Variants in NHS observed in about 807,000 individuals in gnomAD.
The protein encoded by NHS is NHS actin remodeling regulator, also known as actin remodeling regulator NHS.
Under a neutral mutation model 72.5 loss-of-function variants are expected in NHS, and 5 were observed. That is an observed-to-expected ratio of 0.07 (90% CI 0.04 to 0.14). The LOEUF is 0.14. NHS is among the 10% of genes least tolerant of loss of function. NHS has a pLI of 1.00. For missense variants in NHS, 1,072 were observed against 1,355.7 expected (o/e 0.79, Z 3.29); for synonymous variants, 464 against 547.7 (o/e 0.85, Z 2.13).
chrX:17,434,497 G>C (rs1025247825), intron 1 of NHS, among the ~76,000 whole-genome samples: 1 of 98,729 alleles, frequency 1.0e-5, no homozygotes, highest in African/African-American at 3.9e-5. Flanking sequence ...AGGCTGGAGT[G>C]CAGTGGCGCG....
chrX:17,612,749 G>A (rs2065717300), intron 1 of NHS, among the ~76,000 whole-genome samples: 1 of 110,846 alleles, frequency 9.0e-6, no homozygotes, highest in Non-Finnish European at 1.9e-5. Flanking sequence ...TGCCTTCCTC[G>A]TCTCTCTATC....
intron 1 of NHS, among the ~76,000 whole-genome samples, chrX:17,549,642 AG>A (rs2065319767): frequency 1.8e-5 from 2 of 111,864 alleles, no homozygotes; most frequent in Admixed American, 1.9e-4. Flanking sequence ...GTGAGGGCGC[AG>A]GGTGCCAGCT....
At chrX:17,386,455 G>A (rs1569243514) in intron 1 of NHS, among the ~76,000 whole-genome samples, 1 of 110,612 alleles carries the variant, frequency 9.0e-6, no homozygotes, top group Non-Finnish European at 1.9e-5. Context: ...GAGGTCAGGA[G>A]TTCAAGACCA....
intron 3 of NHS, among the ~76,000 whole-genome samples, chrX:17,706,575 A>G (rs1423067206): frequency 9.0e-6 from 1 of 111,290 alleles, no homozygotes; most frequent in Non-Finnish European, 1.9e-5. Context: ...TTACACCGCT[A>G]GTGCTTCTGA....
intron 1 of NHS, chrX:17,557,324 G>A (rs2065383216): frequency 2.2e-5 from 2 of 92,129 alleles, no homozygotes; most frequent in African/African-American, 1.1e-4. Flanking sequence ...CAGAGATTCT[G>A]TGATATATAT....
chrX:17,488,531 G>C (rs1046359280), intron 1 of NHS, among the ~76,000 whole-genome samples: 2 of 111,742 alleles, frequency 1.8e-5, no homozygotes, highest in Admixed American at 9.5e-5. Context: ...CTTTTTCTAT[G>C]CCATGGACCC....
intron 1 of NHS, among the ~76,000 whole-genome samples, chrX:17,587,457 T>G (rs2065581453): frequency 8.9e-6 from 1 of 112,603 alleles, no homozygotes; most frequent in African/African-American, 3.2e-5. Flanking sequence ...CTAAATCTGC[T>G]TGGGAACTGA....
At chrX:17,717,322 A>C (rs775903801) in intron 3 of NHS, among the ~76,000 whole-genome samples, 192 of 112,269 alleles carry the variant, frequency 1.7e-3, no homozygotes, top group African/African-American at 6.1e-3. Context: ...AGACAATATC[A>C]TTCAGGTGCA....
At chrX:17,478,240 C>A (rs957241527) in intron 1 of NHS, among the ~76,000 whole-genome samples, 1 of 111,992 alleles carries the variant, frequency 8.9e-6, no homozygotes, top group African/African-American at 3.2e-5. Flanking sequence ...AAGACTTTGC[C>A]AGATCTTTAG....
At position 17,457,037 on chromosome X, in the gene NHS, A is replaced by G. The variant is rs762836603; in HGVS notation, c.565+80715A>G. On this transcript the variant is annotated intron_variant, in intron 1 of 8. Coordinates refer to ENST00000676302, the MANE Select transcript of NHS (RefSeq NM_001291867.2). ...TTTTAATGATAATGATGATGAAGAT[A>G]GTGTTGATAATAATAATGCAAACAA... Among the ~76,000 whole-genome samples the G allele has an allele frequency of 8.0e-5, 9 of 112,044 alleles. No homozygotes were observed. In the South Asian group the frequency reaches 1.1e-3, roughly 14 times the overall value.
intron 1 of NHS, among the ~76,000 whole-genome samples, chrX:17,389,636 C>T (rs1393806596): frequency 9.5e-6 from 1 of 105,694 alleles, no homozygotes; most frequent in Non-Finnish European, 1.9e-5. Context: ...GAGTCTCGCC[C>T]TGTCATCCAG....
At chrX:17,657,703 G>A (rs2065963645) in intron 1 of NHS, among the ~76,000 whole-genome samples, 1 of 112,953 alleles carries the variant, frequency 8.9e-6, no homozygotes, top group African/African-American at 3.2e-5. Context: ...TGGGAGCCTG[G>A]ACAGGGGTCC....
chrX:17,470,510 C>G (rs1453384114), intron 1 of NHS, among the ~76,000 whole-genome samples: 1 of 111,904 alleles, frequency 8.9e-6, no homozygotes, highest in African/African-American at 3.3e-5. Context: ...CGTGCTTACC[C>G]TTTCACATGC....
intron 3 of NHS, among the ~76,000 whole-genome samples, chrX:17,703,743 G>A (rs1474922049): frequency 8.9e-6 from 1 of 112,323 alleles, no homozygotes; most frequent in African/African-American, 3.2e-5. Context: ...TTAAATCTCA[G>A]ATAGGATCAA....
intron 3 of NHS, among the ~76,000 whole-genome samples, chrX:17,715,682 T>C (rs989793747): frequency 9.0e-6 from 1 of 111,213 alleles, no homozygotes; most frequent in African/African-American, 3.3e-5. Flanking sequence ...GTTGTACAGA[T>C]TATTTTGTCA....
chrX:17,723,290 G>A (rs2066416365), intron 5 of NHS, among the ~76,000 whole-genome samples: 1 of 111,901 alleles, frequency 8.9e-6, no homozygotes, highest in Non-Finnish European at 1.9e-5. Context: ...CAGGATAAAT[G>A]ATGAGGTGAC....
intron 1 of NHS, among the ~76,000 whole-genome samples, chrX:17,418,215 A>G (rs1392032860): frequency 1.8e-5 from 2 of 112,095 alleles, no homozygotes; most frequent in Non-Finnish European, 3.8e-5. Context: ...GAAGGTAAAC[A>G]ATGAGCTAGA....
At chrX:17,656,004 G>A (rs1266954893) in intron 1 of NHS, among the ~76,000 whole-genome samples, 2 of 112,833 alleles carry the variant, frequency 1.8e-5, no homozygotes, top group African/African-American at 6.4e-5. Flanking sequence ...GGAAAAGGAA[G>A]GGGGAATGCA....
At chrX:17,451,247 G>A (rs1360375791) in intron 1 of NHS, among the ~76,000 whole-genome samples, 1 of 111,837 alleles carries the variant, frequency 8.9e-6, no homozygotes, top group Non-Finnish European at 1.9e-5. Flanking sequence ...ATTTCTGTTT[G>A]TTTCTAGTGC....
Sources: gnomAD v4.1 joint callset for allele counts (sites outside exome capture counted in the v4.1 genomes callset) on GRCh38, gnomAD v4.1.1 for gene constraint, MANE v1.5 for transcripts, NCBI Gene and HGNC (gene_info 2026-07-23, HGNC 2026-07-21) for gene names.